The following PREX1 variants were observed in gnomAD, a reference collection of about 807,000 sequenced individuals.
PREX1 encodes the protein phosphatidylinositol 3,4,5-trisphosphate-dependent Rac exchanger 1 protein.
In PREX1, 41 loss-of-function variants were observed where a neutral mutation model predicts 198.3. The observed-to-expected ratio is 0.21, with a 90% confidence interval of 0.16 to 0.27. The LOEUF (loss-of-function observed/expected upper bound fraction) is 0.27, where lower values mean the gene tolerates loss of function less well. Ranked by LOEUF, PREX1 falls within the 10% of genes least tolerant of loss-of-function variation. The pLI is 1.00. For missense variants in PREX1, 1,620 were observed against 2,200.7 expected (o/e 0.74, Z 5.28); for synonymous variants, 843 against 887.2 (o/e 0.95, Z 0.89).
intron 1 of PREX1, among the ~76,000 whole-genome samples, chr20:48,753,748 C>T (rs1000658722): frequency 3.3e-5 from 5 of 152,178 alleles, no homozygotes; most frequent in African/African-American, 7.2e-5. Flanking sequence ...GGCCTTCGCA[C>T]GTGCTGTTCT....
At chr20:48,768,825 G>A (rs1039286178) in intron 1 of PREX1, among the ~76,000 whole-genome samples, 1 of 152,076 alleles carries the variant, frequency 6.6e-6, no homozygotes, top group Non-Finnish European at 1.5e-5. Flanking sequence ...GACTGGCAAG[G>A]GGCTCAAGGG....
At chr20:48,632,246 C>A in intron 35 of PREX1, 31 bp downstream of exon 35, 1 of 1,606,756 alleles carries the variant, frequency 6.2e-7, no homozygotes, top group South Asian at 1.1e-5. Context: ...TTTCCTGACT[C>A]CTGCCCCCAA....
intron 25 of PREX1, among the ~76,000 whole-genome samples, chr20:48,648,160 G>T (rs2089465130): frequency 6.6e-6 from 1 of 152,144 alleles, no homozygotes; most frequent in South Asian, 2.1e-4. Context: ...CTCCAACTCA[G>T]CCTCCCAAAG....
At chr20:48,626,065 T>C in intron 39 of PREX1, 138 bp from the exon 40 acceptor site, 1 of 970,726 alleles carries the variant, frequency 1.0e-6, no homozygotes. Flanking sequence ...CAGAGAAAAA[T>C]ATCTATGCTG....
Position 48,664,956 on chromosome 20 carries a change from G to C in PREX1, c.1738+1327C>G, listed in dbSNP as rs1414669510. On this transcript the variant is annotated intron_variant, in intron 15 of 39. Transcript: ENST00000371941. ...TCCAGACGGCCTGAATTCTAATCCT[G>C]ACTCCAGACGGCCTGAATTCTAATC... Among the ~76,000 whole-genome samples the C allele has an allele frequency of 1.4e-5, 2 of 142,302 alleles. 1 individual carries two copies. The highest frequency in any genetic ancestry group is 3.0e-5 in the Non-Finnish European group (2 of 65,636). The allele number at this position is 142,302 out of a possible 152,430, so 93.4% of individuals were successfully genotyped here.
At chr20:48,763,858 G>A (rs564049173) in intron 1 of PREX1, among the ~76,000 whole-genome samples, 1 of 152,274 alleles carries the variant, frequency 6.6e-6, no homozygotes, top group East Asian at 1.9e-4. Flanking sequence ...GCAGCTTGGG[G>A]TCTTCAGTTT....
chr20:48,704,196 G>A (rs1279738413), intron 6 of PREX1, among the ~76,000 whole-genome samples: 3 of 152,190 alleles, frequency 2.0e-5, no homozygotes, highest in Non-Finnish European at 2.9e-5. Flanking sequence ...GCAGTGAGGT[G>A]GAACTTGAAC....
In PREX1 at chr20:48,734,564, G is replaced by A. The variant is rs201435579; in HGVS notation, c.501C>T (p.Thr167=). ...RLLVELNKIP[T]VRAFLLSCML... is the part of the protein sequence containing the mutation. ...AACTTACCAAAAGGAAGGCGCGCAC[G>A]GTAGGGATCTTGTTCAGCTCCACCA... is the stretch of plus-strand genomic sequence containing the variant. Residue 167 remains threonine, a synonymous_variant, in exon 4 of 40, where the codon ACC becomes ACT. Coordinates refer to ENST00000371941, the MANE Select transcript of PREX1 (RefSeq NM_020820.4). 7.4e-6 allele frequency: 12 copies of A among 1,614,040 alleles called. No individual in the cohort carries two copies. Among genetic ancestry groups the A allele is most frequent in the South Asian group, 5.5e-5 (5 of 91,076 alleles).
intron 22 of PREX1, 71 bp downstream of exon 22, chr20:48,651,325 C>T (rs1464641506): frequency 4.0e-6 from 6 of 1,518,760 alleles, no homozygotes; most frequent in Non-Finnish European, 5.3e-6. Context: ...ACTCCTTCTC[C>T]CAACCTTTGA....
intron 26 of PREX1, among the ~76,000 whole-genome samples, chr20:48,644,746 G>A (rs1453044712): frequency 6.6e-6 from 1 of 152,228 alleles, no homozygotes; most frequent in Non-Finnish European, 1.5e-5. Context: ...ATAGGAGGAA[G>A]ACGGTGAATC....
At chr20:48,861,696 A>G in the PREX1 span, among the ~76,000 whole-genome samples, 1 of 152,130 alleles carries the variant, frequency 6.6e-6, no homozygotes, top group Non-Finnish European at 1.5e-5. Context: ...GGGACACACT[A>G]TCTCTGAGAC....
intron 3 of PREX1, among the ~76,000 whole-genome samples, chr20:48,739,173 T>C (rs1213231585): frequency 6.6e-6 from 1 of 152,160 alleles, no homozygotes; most frequent in East Asian, 1.9e-4. Context: ...CCAGTCTCCC[T>C]TCTTCTCTCA....
chr20:48,707,017 C>T (rs181758754), intron 6 of PREX1, among the ~76,000 whole-genome samples: 27 of 152,266 alleles, frequency 1.8e-4, no homozygotes, highest in East Asian at 1.5e-3. Context: ...TAGTTGTTGC[C>T]TCAACTGTTA....
At chr20:48,722,932 A>G (rs1043166519) in intron 5 of PREX1, among the ~76,000 whole-genome samples, 3 of 152,246 alleles carry the variant, frequency 2.0e-5, no homozygotes, top group African/African-American at 7.2e-5. Flanking sequence ...AAGATCAGTG[A>G]CAGTCAGGCC....
the PREX1 span, among the ~76,000 whole-genome samples, chr20:48,885,464 A>G: frequency 6.6e-6 from 1 of 152,226 alleles, no homozygotes; most frequent in African/African-American, 2.4e-5. Flanking sequence ...GTAATGCAAA[A>G]TGGCACAGCC....
the PREX1 span, among the ~76,000 whole-genome samples, chr20:48,884,904 G>T: frequency 6.6e-6 from 1 of 152,242 alleles, no homozygotes; most frequent in Non-Finnish European, 1.5e-5. Context: ...TTGAGATCAG[G>T]GGTTCAAGAC....
At chr20:48,831,511 G>A (rs569242189), upstream of PREX1, among the ~76,000 whole-genome samples, 19 of 152,272 alleles carry the variant, frequency 1.2e-4, no homozygotes, top group South Asian at 8.3e-4. Context: ...TTGTGCTGCC[G>A]GCATTATTCC....
chr20:48,855,243 G>A, the PREX1 span, among the ~76,000 whole-genome samples: 7 of 152,046 alleles, frequency 4.6e-5, no homozygotes, highest in African/African-American at 7.2e-5. Context: ...TCCTGTTGCC[G>A]TCAACCCTTC....
intron 15 of PREX1, among the ~76,000 whole-genome samples, chr20:48,661,544 T>TGTGTAC (rs1568810129): frequency 1.1e-5 from 1 of 92,476 alleles, no homozygotes; most frequent in East Asian, 2.8e-4. Flanking sequence ...TGTGTGTGTG[T>TGTGTAC]ATATATATAT....
Sources: allele counts gnomAD v4.1 joint callset (sites outside exome capture counted in the v4.1 genomes callset), GRCh38; gene constraint gnomAD v4.1.1; transcripts MANE v1.5; gene names NCBI Gene and HGNC (gene_info 2026-07-23, HGNC 2026-07-21).